Variants in ANGPT1 observed in about 807,000 individuals in gnomAD.
ANGPT1 encodes angiopoietin 1.
Under a neutral mutation model 62.2 loss-of-function variants are expected in ANGPT1, and 17 were observed. That is an observed-to-expected ratio of 0.27 (90% CI 0.19 to 0.41). The LOEUF (loss-of-function observed/expected upper bound fraction) is 0.41, where lower values mean the gene tolerates loss of function less well. Among genes scored for constraint, ANGPT1 ranks in the 10% least tolerant of loss-of-function variants. ANGPT1 has a pLI of 1.00. For missense variants in ANGPT1, 478 were observed against 594.9 expected (o/e 0.80, Z 2.04); for synonymous variants, 199 against 198.9 (o/e 1.00, Z 0.00).
At chr8:107,368,162 G>A (rs938783749) in intron 1 of ANGPT1, among the ~76,000 whole-genome samples, 3 of 152,164 alleles carry the variant, frequency 2.0e-5, no homozygotes, top group African/African-American at 2.4e-5. Flanking sequence ...TCATCCATGG[G>A]TTACAGGATG....
intron 1 of ANGPT1, among the ~76,000 whole-genome samples, chr8:107,411,464 T>C (rs1213084176): frequency 6.6e-6 from 1 of 152,084 alleles, no homozygotes; most frequent in African/African-American, 2.4e-5. Flanking sequence ...TATAAGAATA[T>C]GTACAAAATA....
At chr8:107,283,345 C>T (rs562946328) in intron 7 of ANGPT1, among the ~76,000 whole-genome samples, 1 of 152,178 alleles carries the variant, frequency 6.6e-6, no homozygotes, top group South Asian at 2.1e-4. Context: ...CTCGCTTCCC[C>T]TCCACCCCCA....
chr8:107,447,494 A>G (rs1811652409), intron 1 of ANGPT1, among the ~76,000 whole-genome samples: 1 of 152,232 alleles, frequency 6.6e-6, no homozygotes, highest in Non-Finnish European at 1.5e-5. Context: ...GGTGGAAATG[A>G]TCTTGCCTTA....
chr8:107,392,817 GT>G (rs1217494054), intron 1 of ANGPT1, among the ~76,000 whole-genome samples: 1 of 152,144 alleles, frequency 6.6e-6, no homozygotes, highest in Non-Finnish European at 1.5e-5. Context: ...AAGAAGAGTT[GT>G]TTTTGCCAAA....
intron 1 of ANGPT1, among the ~76,000 whole-genome samples, chr8:107,399,576 G>T (rs1470966479): frequency 6.6e-6 from 1 of 152,126 alleles, no homozygotes; most frequent in Non-Finnish European, 1.5e-5. Flanking sequence ...AGAAGAAACA[G>T]TAAAGGCCTT....
At chr8:107,425,003 T>C (rs750030400) in intron 1 of ANGPT1, among the ~76,000 whole-genome samples, 11 of 152,126 alleles carry the variant, frequency 7.2e-5, no homozygotes, top group Non-Finnish European at 1.2e-4. Flanking sequence ...GCCTCCTGGG[T>C]AGCTGAGACT....
chr8:107,490,270 A>G (rs1476316281), intron 1 of ANGPT1, among the ~76,000 whole-genome samples: 1 of 152,242 alleles, frequency 6.6e-6, no homozygotes, highest in Non-Finnish European at 1.5e-5. Flanking sequence ...TGCTAATGCC[A>G]CAACCAACAG....
chr8:107,468,979 A>C (rs982299327), intron 1 of ANGPT1, among the ~76,000 whole-genome samples: 6 of 152,092 alleles, frequency 3.9e-5, no homozygotes, highest in African/African-American at 1.4e-4. Flanking sequence ...TAGACAAAGT[A>C]CTTATTAGTT....
chr8:107,383,904 A>G (rs1319016827), intron 1 of ANGPT1, among the ~76,000 whole-genome samples: 1 of 152,150 alleles, frequency 6.6e-6, no homozygotes, highest in East Asian at 1.9e-4. Context: ...ACCTCCCTAT[A>G]GTACCTCACC....
At chr8:107,403,853 T>C (rs1308374896) in intron 1 of ANGPT1, among the ~76,000 whole-genome samples, 1 of 152,156 alleles carries the variant, frequency 6.6e-6, no homozygotes, top group Non-Finnish European at 1.5e-5. Flanking sequence ...ATGAACAAGA[T>C]ATTTTTATCA....
chr8:107,389,373 G>A (rs16876215), intron 1 of ANGPT1, among the ~76,000 whole-genome samples: 20,106 of 152,062 alleles, frequency 0.13, 1,533 homozygotes, highest in African/African-American at 0.21. Flanking sequence ...GTGGGAGTGC[G>A]GTTATCCAAA....
chr8:107,282,440 G>GTGTGTA (rs1814031448), intron 7 of ANGPT1, among the ~76,000 whole-genome samples: 1 of 1,476 alleles, frequency 6.8e-4, no homozygotes. Flanking sequence ...ATGTGTGTAT[G>GTGTGTA]TGTGTGTGTG....
At chr8:107,424,007 A>G (rs1222185579) in intron 1 of ANGPT1, among the ~76,000 whole-genome samples, 1 of 151,310 alleles carries the variant, frequency 6.6e-6, no homozygotes, top group African/African-American at 2.4e-5. Context: ...CATCGGGCTA[A>G]TTTTTGTATT....
At chr8:107,299,189 A>G (rs747741795) in intron 5 of ANGPT1, among the ~76,000 whole-genome samples, 3 of 151,452 alleles carry the variant, frequency 2.0e-5, no homozygotes, top group African/African-American at 7.3e-5. Context: ...TATAAATGAT[A>G]CAATTTCAAT....
intron 7 of ANGPT1, among the ~76,000 whole-genome samples, chr8:107,273,206 T>C (rs1216721597): frequency 6.6e-6 from 1 of 152,144 alleles, no homozygotes; most frequent in Non-Finnish European, 1.5e-5. Flanking sequence ...CATTTTTTAT[T>C]TGTGTTTAAA....
intron 1 of ANGPT1, among the ~76,000 whole-genome samples, chr8:107,384,843 G>C (rs1384722150): frequency 6.6e-6 from 1 of 152,098 alleles, no homozygotes; most frequent in Non-Finnish European, 1.5e-5. Flanking sequence ...CATATGGCTA[G>C]CCAGTTACCT....
intron 6 of ANGPT1, among the ~76,000 whole-genome samples, chr8:107,286,662 T>A (rs966597595): frequency 6.6e-6 from 1 of 152,162 alleles, no homozygotes; most frequent in South Asian, 2.1e-4. Context: ...TTTGATAGGC[T>A]GAATATGCTT....
intron 3 of ANGPT1, among the ~76,000 whole-genome samples, chr8:107,330,280 C>T (rs889103916): frequency 2.6e-5 from 4 of 152,064 alleles, no homozygotes; most frequent in African/African-American, 7.2e-5. Flanking sequence ...AATTAGGAAA[C>T]CAAAACACAT....
intron 8 of ANGPT1, among the ~76,000 whole-genome samples, chr8:107,262,513 A>G (rs917578781): frequency 8.5e-5 from 13 of 152,222 alleles, no homozygotes; most frequent in African/African-American, 2.4e-4. Flanking sequence ...TCTCCCTGCT[A>G]TCTCACAGAG....
Sources: allele counts gnomAD v4.1 joint callset (sites outside exome capture counted in the v4.1 genomes callset), GRCh38; gene constraint gnomAD v4.1.1; transcripts MANE v1.5; gene names NCBI Gene and HGNC (gene_info 2026-07-23, HGNC 2026-07-21).